SLC2A9: variants seen among roughly 807,000 people sequenced by gnomAD.
The protein encoded by SLC2A9 is solute carrier family 2 member 9, also known as solute carrier family 2, facilitated glucose transporter member 9.
A neutral mutation model predicts 50.6 loss-of-function variants in SLC2A9; 39 were observed. The observed-to-expected ratio is 0.77, with a 90% CI of 0.60 to 1.01. SLC2A9 has a LOEUF of 1.01. Ranked by LOEUF, SLC2A9 falls within the 50% of genes least tolerant of loss-of-function variation. SLC2A9 has a pLI of 0.00. For missense variants in SLC2A9, 686 were observed against 677.6 expected (o/e 1.01, Z -0.14); for synonymous variants, 324 against 276.9 (o/e 1.17, Z -1.69).
chr4:9,826,584 T>G lies in SLC2A9; in HGVS notation c.1436A>C (p.Tyr479Ser). The G allele has an allele frequency of 1.2e-6, 2 of 1,614,030 alleles. No homozygotes were observed. The highest frequency in any genetic ancestry group is 1.7e-6 in the Non-Finnish European group (2 of 1,179,918). ...AATTGTAGCAAAGACTAGGAAACAG[T>G]AGGTGTCCAGACTTTTCTGTGGAAA... ...FPFIQKSLDT[Y>S]CFLVFATICI... The change falls in exon 12 of 12, where the codon TAC (tyrosine) becomes TCC (serine). Residue 479 changes from tyrosine (Y) to serine (S), a missense_variant. Tyr to Ser is a moderately radical substitution (Grantham distance 144). Coordinates refer to ENST00000264784, the MANE Select transcript of SLC2A9 (RefSeq NM_020041.3).
intron 3 of SLC2A9, among the ~76,000 whole-genome samples, chr4:9,995,308 G>A (rs1758453422): frequency 6.6e-6 from 1 of 152,114 alleles, no homozygotes; most frequent in South Asian, 2.1e-4. Context: ...TCTGAAAGTG[G>A]GCTTGGGGAC....
At chr4:9,973,144 T>C (rs969298460) in intron 5 of SLC2A9, among the ~76,000 whole-genome samples, 1 of 152,118 alleles carries the variant, frequency 6.6e-6, no homozygotes, top group Non-Finnish European at 1.5e-5. Context: ...ATATAAAATA[T>C]CTTCAGAGAC....
intron 2 of SLC2A9, among the ~76,000 whole-genome samples, chr4:9,997,267 T>C (rs1329139755): frequency 6.6e-6 from 1 of 152,150 alleles, no homozygotes; most frequent in East Asian, 1.9e-4. Flanking sequence ...AAACTGAGGC[T>C]CAGGGAGACA....
chr4:9,785,116 A>G (rs1560115404), intron 3 of SLC2A9, among the ~76,000 whole-genome samples: 1 of 152,204 alleles, frequency 6.6e-6, no homozygotes, highest in Non-Finnish European at 1.5e-5. Flanking sequence ...ATTAGGCAAC[A>G]TTAGGGGCAG....
chr4:10,012,855 T>C (rs1417094079), intron 2 of SLC2A9, among the ~76,000 whole-genome samples: 1 of 152,094 alleles, frequency 6.6e-6, no homozygotes, highest in Non-Finnish European at 1.5e-5. Context: ...CTGTCATGTG[T>C]CATGTGTCAC....
chr4:9,880,371 C>A, intron 10 of SLC2A9: 1 of 985,612 alleles, frequency 1.0e-6, no homozygotes, highest in Non-Finnish European at 1.2e-6. Context: ...GACAGGTGAT[C>A]TGGGATTGGG....
downstream of SLC2A9, among the ~76,000 whole-genome samples, chr4:9,776,661 T>C (rs569221702): frequency 6.6e-5 from 10 of 152,146 alleles, no homozygotes; most frequent in African/African-American, 2.4e-4. Flanking sequence ...AGTCAAAGGG[T>C]CTGAGTTGGG....
chr4:9,809,043 G>A (rs1217460065), intron 3 of SLC2A9, among the ~76,000 whole-genome samples: 1 of 152,188 alleles, frequency 6.6e-6, no homozygotes, highest in Non-Finnish European at 1.5e-5. Flanking sequence ...CAATGGAAAA[G>A]AATGATTCTA....
downstream of SLC2A9, among the ~76,000 whole-genome samples, chr4:9,776,811 A>T (rs776150908): frequency 2.0e-5 from 3 of 152,218 alleles, no homozygotes; most frequent in Non-Finnish European, 4.4e-5. Context: ...TTCAGAGGAC[A>T]TTAATTCCAG....
chr4:9,970,894 G>A (rs1753799051), intron 5 of SLC2A9, among the ~76,000 whole-genome samples: 1 of 152,184 alleles, frequency 6.6e-6, no homozygotes, highest in African/African-American at 2.4e-5. Context: ...AGCAACTGAT[G>A]TTATCTATAG....
downstream of SLC2A9, among the ~76,000 whole-genome samples, chr4:9,822,632 C>G (rs1333700619): frequency 2.0e-5 from 3 of 152,300 alleles, no homozygotes; most frequent in African/African-American, 7.2e-5. Flanking sequence ...AAAATTCAAA[C>G]TGGATTGACA....
intron 3 of SLC2A9, among the ~76,000 whole-genome samples, chr4:9,807,701 GT>G (rs1175089900): frequency 6.6e-6 from 1 of 152,186 alleles, no homozygotes; most frequent in African/African-American, 2.4e-5. Flanking sequence ...CACGGGCCAG[GT>G]TACCCCATGT....
At chr4:9,848,227 C>T (rs1729283299) in intron 10 of SLC2A9, among the ~76,000 whole-genome samples, 1 of 152,226 alleles carries the variant, frequency 6.6e-6, no homozygotes, top group Non-Finnish European at 1.5e-5. Context: ...ATTTACTTCA[C>T]ATGAGCTTGG....
At chr4:9,889,738 G>C (rs191859535) in intron 9 of SLC2A9, among the ~76,000 whole-genome samples, 2 of 152,184 alleles carry the variant, frequency 1.3e-5, no homozygotes, top group Admixed American at 1.3e-4. Flanking sequence ...AAAATGCAAA[G>C]ATTAATCAAT....
intron 10 of SLC2A9, among the ~76,000 whole-genome samples, chr4:9,882,919 T>C (rs529074721): frequency 2.9e-4 from 44 of 152,306 alleles, no homozygotes; most frequent in African/African-American, 1.0e-3. Context: ...ATGTTTTTAG[T>C]GGGCTATACC....
intron 3 of SLC2A9, among the ~76,000 whole-genome samples, chr4:9,990,551 C>T (rs1757520131): frequency 1.3e-5 from 2 of 152,098 alleles, no homozygotes; most frequent in Non-Finnish European, 2.9e-5. Flanking sequence ...GTAGATATGT[C>T]CTAGGCAGTG....
chr4:9,842,922 G>A lies in SLC2A9; in HGVS notation c.1292-7914C>T, dbSNP rs1398281327. ...AATGCAGGGAAGAGTGCAGGGAGGTGAAAGAGGTGGATAAGGGCTATGTTA... is the reference window on the plus strand; with the variant it reads ...AATGCAGGGAAGAGTGCAGGGAGGTAAAAGAGGTGGATAAGGGCTATGTTA... On this transcript the variant is annotated intron_variant, in intron 10 of 11. Transcript: ENST00000264784. Among the ~76,000 whole-genome samples, 5 of 152,128 alleles carry A rather than the reference G, an allele frequency of 3.3e-5. No homozygotes were observed. The East Asian group carries it at 5.8e-4, about 18-fold the overall frequency.
At chr4:9,795,673 C>T (rs529926521), downstream of SLC2A9, among the ~76,000 whole-genome samples, 11 of 152,304 alleles carry the variant, frequency 7.2e-5, no homozygotes, top group African/African-American at 2.6e-4. Flanking sequence ...ACAAAAAAGA[C>T]TAAAGTCTTA....
At chr4:9,941,465 C>T (rs1052983700) in intron 6 of SLC2A9, among the ~76,000 whole-genome samples, 26 of 152,312 alleles carry the variant, frequency 1.7e-4, no homozygotes, top group Admixed American at 5.2e-4. Context: ...ATCTGGTGTT[C>T]ACTCTGTGCT....
Sources: gnomAD v4.1 joint callset for allele counts (sites outside exome capture counted in the v4.1 genomes callset) on GRCh38, gnomAD v4.1.1 for gene constraint, MANE v1.5 for transcripts, NCBI Gene and HGNC (gene_info 2026-07-23, HGNC 2026-07-21) for gene names.